R3HDM2: variants seen among roughly 807,000 people sequenced by gnomAD.
R3HDM2 encodes the protein R3H domain containing 2.
In R3HDM2, 38 loss-of-function variants were observed where a neutral mutation model predicts 124.5. That is an observed-to-expected ratio of 0.31 (90% CI 0.24 to 0.40). The LOEUF is 0.40. Among genes scored for constraint, R3HDM2 ranks in the 10% least tolerant of loss-of-function variants. The pLI is 1.00. For missense variants in R3HDM2, 869 were observed against 1,236.9 expected (o/e 0.70, Z 4.46); for synonymous variants, 391 against 448.0 (o/e 0.87, Z 1.61).
intron 1 of R3HDM2, among the ~76,000 whole-genome samples, chr12:57,396,777 C>A (rs1452761776): frequency 3.7e-4 from 39 of 104,850 alleles, no homozygotes; most frequent in African/African-American, 7.2e-4. Context: ...GACTCTGTCT[C>A]AAAAAAAAAA....
chr12:57,258,151 G>A lies in R3HDM2; in HGVS notation c.2302-14C>T, dbSNP rs992288283. On this transcript the variant is annotated splice_polypyrimidine_tract_variant and intron_variant, in intron 20 of 23. Transcript: ENST00000402412. ...TTGTGTGTTGGCCTGTGGAAAAGAG[G>A]AGCACACGTCACATAAACATCAAAC... The A allele has an allele frequency of 2.6e-6, 4 of 1,517,608 alleles. No homozygotes were observed. Among genetic ancestry groups the A allele is most frequent in the Non-Finnish European group, 2.7e-6 (3 of 1,124,054 alleles). 94.0% of individuals were successfully genotyped at this position (1,517,608 alleles called of 1,614,324 possible).
At chr12:57,325,843 T>C (rs1049749888) in intron 2 of R3HDM2, among the ~76,000 whole-genome samples, 1 of 150,034 alleles carries the variant, frequency 6.7e-6, no homozygotes, top group African/African-American at 2.5e-5. Context: ...GTGCCTGGTT[T>C]TTTCTTTTCT....
chr12:57,354,885 G>A (rs1305861764), intron 2 of R3HDM2, among the ~76,000 whole-genome samples: 3 of 151,862 alleles, frequency 2.0e-5, no homozygotes, highest in African/African-American at 7.3e-5. Context: ...AATGCAGTGG[G>A]ATGATCACAG....
chr12:57,367,795 T>C (rs577975150), intron 2 of R3HDM2, among the ~76,000 whole-genome samples: 1 of 152,310 alleles, frequency 6.6e-6, no homozygotes, highest in African/African-American at 2.4e-5. Context: ...GAACTGTAAG[T>C]TCCCCTCCAC....
chr12:57,387,209 G>C (rs1012229751), intron 2 of R3HDM2, among the ~76,000 whole-genome samples: 12 of 152,114 alleles, frequency 7.9e-5, no homozygotes, highest in Non-Finnish European at 1.6e-4. Context: ...CCACACTGTG[G>C]AAGCTTTGTT....
intron 1 of R3HDM2, among the ~76,000 whole-genome samples, chr12:57,428,619 C>A (rs1057485632): frequency 6.6e-6 from 1 of 151,930 alleles, no homozygotes; most frequent in Admixed American, 6.6e-5. Flanking sequence ...TGCACCACTG[C>A]GCTCCACCCT....
intron 1 of R3HDM2, among the ~76,000 whole-genome samples, chr12:57,405,733 T>C (rs1010265737): frequency 3.9e-5 from 6 of 152,174 alleles, no homozygotes; most frequent in Non-Finnish European, 8.8e-5. Context: ...AAATACCTTA[T>C]TTCCTATAGA....
In R3HDM2 at chr12:57,311,115, T is replaced by C. The variant is rs140510482; in HGVS notation, c.-35-652A>G. 2.0e-3 allele frequency among the ~76,000 whole-genome samples: 300 copies of C among 152,190 alleles called. 8 individuals carry two copies. The East Asian group carries it at 0.049, about 25-fold the overall frequency. ...ATGCTCCTTTCCCAAGGAAGAACTT[T>C]CACAGCTACCACAAACCCACAACAC... On this transcript the variant is annotated intron_variant, in intron 2 of 23. Transcript: ENST00000402412.
chr12:57,261,947 C>T (rs144955875), intron 19 of R3HDM2, among the ~76,000 whole-genome samples: 37 of 152,178 alleles, frequency 2.4e-4, no homozygotes, highest in Non-Finnish European at 3.5e-4. Context: ...ATCATTAAAC[C>T]TGGGCAGAAA....
intron 2 of R3HDM2, among the ~76,000 whole-genome samples, chr12:57,363,900 A>G (rs909870656): frequency 2.0e-5 from 3 of 151,432 alleles, no homozygotes; most frequent in African/African-American, 4.8e-5. Flanking sequence ...TGAACTTCCT[A>G]TTTTCTCCCA....
intron 1 of R3HDM2, among the ~76,000 whole-genome samples, chr12:57,404,883 A>G (rs2068387139): frequency 6.6e-6 from 1 of 152,104 alleles, no homozygotes; most frequent in Non-Finnish European, 1.5e-5. Flanking sequence ...ACAAAAAAAT[A>G]AAACTTAAAA....
rs2056721904 is a variant in R3HDM2 at position 57,323,107 on chromosome 12, A to T, written c.-35-12644T>A. ...TATCAACACTCAGAAATACTAAGTG[A>T]CTTGTTCAGGGCCATACACTACAGG... is the stretch of plus-strand genomic sequence containing the variant. On this transcript the variant is annotated intron_variant, in intron 2 of 23. Coordinates refer to ENST00000402412, the MANE Select transcript of R3HDM2 (RefSeq NM_001394031.1). 2.0e-5 allele frequency among the ~76,000 whole-genome samples: 3 copies of T among 152,212 alleles called. No individual in the cohort carries two copies. The South Asian group carries it at 6.2e-4, about 32-fold the overall frequency.
intron 2 of R3HDM2, among the ~76,000 whole-genome samples, chr12:57,348,691 C>CT (rs2060300510): frequency 2.5e-5 from 1 of 40,222 alleles, no homozygotes; most frequent in Non-Finnish European, 4.4e-5. Flanking sequence ...GAGACTCCGT[C>CT]TCAAAAAAAA....
chr12:57,307,793 A>C (rs1463258653), intron 3 of R3HDM2, among the ~76,000 whole-genome samples: 3 of 151,420 alleles, frequency 2.0e-5, no homozygotes, highest in Admixed American at 1.3e-4. Flanking sequence ...CCCAGCTCAG[A>C]AGCAGAATTT....
In R3HDM2 at chr12:57,279,668, A is replaced by C. The variant is rs375946311; in HGVS notation, c.1344+690T>G. Among the ~76,000 whole-genome samples the C allele has an allele frequency of 1.5e-3, 232 of 151,988 alleles. 6 individuals are homozygous for C. In the South Asian group the frequency reaches 0.048, roughly 31 times the overall value. On this transcript the variant is annotated intron_variant, in intron 14 of 23. Transcript: ENST00000402412. ...AATAATAATAACAATACATTTTTTA[A>C]AAATTAAAAGAAAGAAATAAAACAG...
chr12:57,303,564 C>T (rs570535997), intron 3 of R3HDM2, among the ~76,000 whole-genome samples: 170 of 147,518 alleles, frequency 1.2e-3, no homozygotes, highest in African/African-American at 4.2e-3. Context: ...GGCAACAAGG[C>T]GAAATCCCAT....
In R3HDM2 at chr12:57,430,744, G is replaced by A; in HGVS notation, c.-130C>T. 1 of 232,904 alleles carries A rather than the reference G, an allele frequency of 4.3e-6. No homozygotes were observed. 14.4% of individuals were successfully genotyped at this position (232,904 alleles called of 1,614,324 possible). ...CCTCGCACGGGCCTTGGCGGGGAGG[G>A]CGCCCACGTCTCCGCCCGCCGCCCG... On this transcript the variant is annotated 5_prime_UTR_variant, in exon 1 of 24. Coordinates refer to ENST00000402412, the MANE Select transcript of R3HDM2 (RefSeq NM_001394031.1).
chr12:57,401,244 C>T (rs1243862432), intron 1 of R3HDM2, among the ~76,000 whole-genome samples: 4 of 151,894 alleles, frequency 2.6e-5, no homozygotes, highest in Non-Finnish European at 4.4e-5. Flanking sequence ...TTGTGACTTG[C>T]TTCAACCATC....
intron 13 of R3HDM2, among the ~76,000 whole-genome samples, chr12:57,281,308 T>C (rs1226599385): frequency 8.1e-6 from 1 of 122,760 alleles, no homozygotes; most frequent in East Asian, 2.3e-4. Context: ...AAAAAAAAAA[T>C]GTTGCTGAGA....
Sources: allele counts gnomAD v4.1 joint callset (sites outside exome capture counted in the v4.1 genomes callset), GRCh38; gene constraint gnomAD v4.1.1; transcripts MANE v1.5; gene names NCBI Gene and HGNC (gene_info 2026-07-23, HGNC 2026-07-21).